INSYN2B: variants seen among roughly 807,000 people sequenced by gnomAD.
INSYN2B encodes inhibitory synaptic factor family member 2B.
A neutral mutation model predicts 41.2 loss-of-function variants in INSYN2B; 16 were observed. That is an observed-to-expected ratio of 0.39 (90% CI 0.26 to 0.59). INSYN2B has a LOEUF of 0.59. INSYN2B is among the 20% of genes least tolerant of loss of function. The pLI is 0.57. For synonymous variants in INSYN2B, 245 were observed against 244.4 expected, an observed-to-expected ratio of 1.00 and a Z score of -0.02; for missense variants, 608 against 646.4, an observed-to-expected ratio of 0.94 and a Z score of 0.64.
At chr5:169,903,513 A>AGGAGCC (rs1219085346) in intron 1 of INSYN2B, among the ~76,000 whole-genome samples, 48 of 114,940 alleles carry the variant, frequency 4.2e-4, no homozygotes, top group African/African-American at 1.4e-3. Flanking sequence ...GGAAGAGAGT[A>AGGAGCC]GGAGCCAGCG....
chr5:169,919,820 G>T (rs1307529744), intron 1 of INSYN2B, among the ~76,000 whole-genome samples: 1 of 152,146 alleles, frequency 6.6e-6, no homozygotes, highest in Non-Finnish European at 1.5e-5. Flanking sequence ...TAGAGATCAG[G>T]ACCTGAAGTT....
At chr5:169,964,481 G>C (rs1455314914) in intron 1 of INSYN2B, among the ~76,000 whole-genome samples, 3 of 152,268 alleles carry the variant, frequency 2.0e-5, no homozygotes, top group Non-Finnish European at 4.4e-5. Flanking sequence ...GTGTCAGACA[G>C]GTGGCTCATG....
intron 1 of INSYN2B, among the ~76,000 whole-genome samples, chr5:169,945,952 A>G (rs905917542): frequency 2.6e-5 from 4 of 152,198 alleles, no homozygotes; most frequent in Non-Finnish European, 4.4e-5. Flanking sequence ...AGGAAGCCAC[A>G]TGAGCAGGCC....
intron 1 of INSYN2B, among the ~76,000 whole-genome samples, chr5:169,885,941 T>C (rs1383594910): frequency 6.6e-6 from 1 of 152,182 alleles, no homozygotes; most frequent in East Asian, 1.9e-4. Flanking sequence ...AGAGGGTAAG[T>C]ACTCAGTAGA....
intron 1 of INSYN2B, among the ~76,000 whole-genome samples, chr5:169,949,392 G>T (rs1033250285): frequency 2.0e-5 from 3 of 152,164 alleles, no homozygotes; most frequent in African/African-American, 7.2e-5. Flanking sequence ...TGTTCCTGGG[G>T]CTGCCTGAAG....
intron 1 of INSYN2B, among the ~76,000 whole-genome samples, chr5:169,942,045 C>T (rs1362434956): frequency 3.9e-5 from 6 of 152,184 alleles, no homozygotes; most frequent in East Asian, 1.9e-4. Flanking sequence ...TTAGCCTGAA[C>T]GAAAACAGTT....
At chr5:169,881,875 T>G (rs538097005) in intron 2 of INSYN2B, among the ~76,000 whole-genome samples, 71 of 152,328 alleles carry the variant, frequency 4.7e-4, no homozygotes, top group African/African-American at 1.5e-3. Flanking sequence ...AGCCATTGCT[T>G]CTTCTTTGTC....
chr5:169,880,775 A>T (rs1165305676), intron 3 of INSYN2B, among the ~76,000 whole-genome samples: 3 of 152,182 alleles, frequency 2.0e-5, no homozygotes, highest in Admixed American at 6.5e-5. Flanking sequence ...TAAAACACAG[A>T]TCTTTGACTC....
chr5:169,972,195 T>C (rs1182161939), intron 1 of INSYN2B, among the ~76,000 whole-genome samples: 1 of 152,276 alleles, frequency 6.6e-6, no homozygotes, highest in Non-Finnish European at 1.5e-5. Flanking sequence ...CTACATGCTC[T>C]ATGAAATTTT....
At chr5:169,943,397 C>G (rs1776319657) in intron 1 of INSYN2B, among the ~76,000 whole-genome samples, 1 of 152,062 alleles carries the variant, frequency 6.6e-6, no homozygotes, top group African/African-American at 2.4e-5. Context: ...GGGCCATATT[C>G]TACACAGGAA....
At chr5:169,908,006 C>G (rs1455906885) in intron 1 of INSYN2B, among the ~76,000 whole-genome samples, 1 of 152,194 alleles carries the variant, frequency 6.6e-6, no homozygotes, top group Admixed American at 6.5e-5. Context: ...GTCTTTATCT[C>G]CTCTCTTGCT....
chr5:169,879,038 C>G (rs1772484944), intron 3 of INSYN2B, among the ~76,000 whole-genome samples: 1 of 152,124 alleles, frequency 6.6e-6, no homozygotes, highest in Admixed American at 6.5e-5. Flanking sequence ...TTAGATAGAA[C>G]CAGATGACCC....
chr5:169,871,486 T>A (rs1018806679), intron 3 of INSYN2B, among the ~76,000 whole-genome samples: 1 of 152,152 alleles, frequency 6.6e-6, no homozygotes, highest in Non-Finnish European at 1.5e-5. Flanking sequence ...ATTCTCACAA[T>A]CCCATGGGAT....
chr5:169,961,104 C>G (rs1379293364), intron 1 of INSYN2B, among the ~76,000 whole-genome samples: 2 of 152,188 alleles, frequency 1.3e-5, no homozygotes, highest in Non-Finnish European at 2.9e-5. Context: ...TTTAGGTCAA[C>G]CTGTTGCCCA....
At position 169,894,431 on chromosome 5, in the gene INSYN2B, A is replaced by G. The variant is rs143484647; in HGVS notation, c.-918-9615T>C. 9.4e-3 allele frequency among the ~76,000 whole-genome samples: 1,437 copies of G among 152,290 alleles called. 21 individuals are homozygous for G. Among genetic ancestry groups the G allele is most frequent in the African/African-American group, 0.033 (1,363 of 41,564 alleles). The stretch of plus-strand genomic sequence containing the variant: ...TACACATTGCACACCCACCAAGGAC[A>G]ACTGTTGGGCCCTGGACTCTGCAGT... On this transcript the variant is annotated intron_variant, in intron 1 of 3. Coordinates refer to ENST00000377365, the MANE Select transcript of INSYN2B (RefSeq NM_001129891.3).
chr5:169,894,950 G>A (rs1018275273), intron 1 of INSYN2B, among the ~76,000 whole-genome samples: 6 of 152,164 alleles, frequency 3.9e-5, no homozygotes, highest in Non-Finnish European at 7.3e-5. Context: ...GTGGCCCCCC[G>A]TGAGGTCTGC....
chr5:169,973,674 G>T lies in INSYN2B; in HGVS notation c.-919+6603C>A, dbSNP rs117934715. On this transcript the variant is annotated intron_variant, in intron 1 of 3. Coordinates refer to ENST00000377365, the MANE Select transcript of INSYN2B (RefSeq NM_001129891.3). ...AACTAGATATATTTCCCAGTATGCGGTATTGGTACCTCATACAGAACCCTT... is the reference window on the plus strand; with the variant it reads ...AACTAGATATATTTCCCAGTATGCGTTATTGGTACCTCATACAGAACCCTT... 3.6e-4 allele frequency among the ~76,000 whole-genome samples: 55 copies of T among 152,290 alleles called. No homozygotes were observed. In the East Asian group the frequency reaches 0.011, roughly 29 times the overall value.
intron 1 of INSYN2B, among the ~76,000 whole-genome samples, chr5:169,911,528 T>C (rs1457365451): frequency 6.6e-6 from 1 of 152,184 alleles, no homozygotes; most frequent in African/African-American, 2.4e-5. Flanking sequence ...CTGGTGAGAG[T>C]TCCTGAGACA....
chr5:169,906,881 A>C (rs1217319995), intron 1 of INSYN2B, among the ~76,000 whole-genome samples: 1 of 152,208 alleles, frequency 6.6e-6, no homozygotes, highest in East Asian at 1.9e-4. Flanking sequence ...GGAAATGTGC[A>C]TGAGGCTGGT....
Sources: gnomAD v4.1 joint callset for allele counts (sites outside exome capture counted in the v4.1 genomes callset) on GRCh38, gnomAD v4.1.1 for gene constraint, MANE v1.5 for transcripts, NCBI Gene and HGNC (gene_info 2026-07-23, HGNC 2026-07-21) for gene names.